Variants in OSBPL5 observed in about 807,000 individuals in gnomAD.
OSBPL5 encodes oxysterol-binding protein-related protein 5.
In OSBPL5, 71 loss-of-function variants were observed where a neutral mutation model predicts 111.2. That is an observed-to-expected ratio of 0.64 (90% CI 0.53 to 0.78). The LOEUF (loss-of-function observed/expected upper bound fraction) is 0.78. Among genes scored for constraint, OSBPL5 ranks in the 30% least tolerant of loss-of-function variants. OSBPL5 has a pLI of 0.00. For missense variants in OSBPL5, 1,210 were observed against 1,189.3 expected, an observed-to-expected ratio of 1.02 and a Z score of -0.26; for synonymous variants, 549 against 513.9, an observed-to-expected ratio of 1.07 and a Z score of -0.93.
chr11:3,164,290 T>TGAGGGAGGGGCTGGGCTCAGCCCAGGGAC (rs1239194535), intron 1 of OSBPL5: 18 of 152,244 alleles, frequency 1.2e-4, no homozygotes, highest in Non-Finnish European at 2.1e-4. Flanking sequence ...AGCCCAAGGA[T>TGAGGGAGGGGCTGGGCTCAGCCCAGGGAC]GAGGGAGGGG....
Position 3,094,208 on chromosome 11 carries a change from C to T in OSBPL5, c.1719+29G>A, listed in dbSNP as rs74048797. 5,914 of 1,603,626 alleles carry T rather than the reference C, an allele frequency of 3.7e-3. 190 individuals carry two copies. The African/African-American group carries it at 0.067, about 18-fold the overall frequency. ...CAAGGCTTCGTTCCTTCCCTGGCCTCGTCTCCCCCAGGCTGCAGCCAGCGC... is the reference window on the plus strand; with the variant it reads ...CAAGGCTTCGTTCCTTCCCTGGCCTTGTCTCCCCCAGGCTGCAGCCAGCGC... On this transcript the variant is annotated intron_variant, in intron 15 of 21. Coordinates refer to ENST00000263650, the MANE Select transcript of OSBPL5 (RefSeq NM_020896.4).
chr11:3,144,574 A>G (rs4400787), intron 1 of OSBPL5, among the ~76,000 whole-genome samples: 126,882 of 152,264 alleles, frequency 0.83, 53,391 homozygotes, highest in African/African-American at 0.92. Context: ...ACACTGAGAC[A>G]GCAGACACCG....
chr11:3,093,829 A>T lies in OSBPL5; in HGVS notation c.1726T>A (p.Phe576Ile). The T allele has an allele frequency of 6.2e-7, 1 of 1,611,624 alleles. No individual in the cohort carries two copies. Among genetic ancestry groups the T allele is most frequent in the Non-Finnish European group, 8.5e-7 (1 of 1,179,790 alleles). ...TGGTTGATGCTGGTGCTACCCCCGA[A>T]GAAGGGCTGCGGGGCCACACCCAGA... The part of the protein sequence containing the change: ...AQLEFKLKPF[F>I]GGSTSINQIS... Residue 576 changes from phenylalanine to isoleucine, a missense_variant, in exon 16 of 22, where the codon TTC becomes ATC. By Grantham distance (21) the Phe-to-Ile change is conservative. Transcript: ENST00000263650.
rs373087756 is a variant in OSBPL5, at chr11:3,093,740, C to T, written c.1809+6G>A. 6.1e-5 allele frequency: 99 copies of T among 1,612,998 alleles called. No homozygotes were observed. The Middle Eastern group carries it at 6.6e-4, about 11-fold the overall frequency. On this transcript the variant is annotated splice_donor_region_variant and intron_variant, in intron 16 of 21. Coordinates refer to ENST00000263650, the MANE Select transcript of OSBPL5 (RefSeq NM_020896.4). ...GCCGTGCCTGCCCTGAGGGACGGCC[C>T]CTTACCCAGTGGCCACTGAGGCTCG...
chr11:3,115,131 A>G (rs964400708), intron 7 of OSBPL5, among the ~76,000 whole-genome samples: 6 of 152,042 alleles, frequency 3.9e-5, no homozygotes, highest in African/African-American at 1.4e-4. Flanking sequence ...GATGCTAACA[A>G]TGTTTTCTTA....
chr11:3,122,043 C>T lies in OSBPL5; in HGVS notation c.356G>A (p.Ser119Asn), dbSNP rs1189217695. 1.3e-6 allele frequency: 2 copies of T among 1,583,254 alleles called. No individual in the cohort carries two copies. Among genetic ancestry groups the T allele is most frequent in the South Asian group, 1.1e-5 (1 of 87,888 alleles). The change falls in exon 5 of 22, where the codon AGC becomes AAC. Residue 119 changes from serine to asparagine, a missense_variant. Transcript: ENST00000263650. ...GACCACGCTGGGGTCTGTCAGAGCGCTGAGCAGCTGCCGTGTGGCGCGCTT... is the reference window on the plus strand; with the variant it reads ...GACCACGCTGGGGTCTGTCAGAGCGTTGAGCAGCTGCCGTGTGGCGCGCTT... ...EKKRATRQLL[S>N]ALTDPSVVIM...
chr11:3,160,149 G>C (rs1032805430), intron 1 of OSBPL5, among the ~76,000 whole-genome samples: 1 of 151,938 alleles, frequency 6.6e-6, no homozygotes, highest in Admixed American at 6.5e-5. Flanking sequence ...TAAGGCAGCA[G>C]GGGGTGGGGT....
chr11:3,090,562 G>C lies in OSBPL5; in HGVS notation c.2394C>G (p.Val798=). 6.2e-7 allele frequency: 1 copy of C among 1,612,576 alleles called. No homozygotes were observed. The highest frequency in any genetic ancestry group is 8.5e-7 in the Non-Finnish European group (1 of 1,179,630). Residue 798 remains valine, a synonymous_variant, in exon 20 of 22, where the codon GTC becomes GTG. Transcript: ENST00000263650. ...LSDEEQDGDF[V]PGGESPCPRC... ...GCTGGGCCCAAGGGGGCTCACCAGG[G>C]ACAAAGTCACCATCCTGCTCCTCGT...
chr11:3,121,147 TC>T lies in OSBPL5; in HGVS notation c.403-524del, dbSNP rs1474119608. ...ATCTTGGCTCGCTGCAAACTCTGCC[TC>T]CCAGGTTCAAGCGATTCTCCTGCCT... On this transcript the variant is annotated intron_variant, in intron 5 of 21. Transcript: ENST00000263650. This position sits in a 1 kb window ranked among gnomAD's most constrained non-coding sequence, Gnocchi z 4.3. 6.7e-6 allele frequency among the ~76,000 whole-genome samples: 1 copy of T among 148,658 alleles called. No homozygotes were observed. Among genetic ancestry groups the T allele is most frequent in the African/African-American group, 2.5e-5 (1 of 40,162 alleles).
At chr11:3,132,669 C>G (rs1845845032) in intron 1 of OSBPL5, among the ~76,000 whole-genome samples, 1 of 152,186 alleles carries the variant, frequency 6.6e-6, no homozygotes, top group Admixed American at 6.5e-5. Flanking sequence ...TGGCCCGGTC[C>G]TCCTCAAATT....
At chr11:3,135,739 C>T (rs562658508) in intron 1 of OSBPL5, among the ~76,000 whole-genome samples, 13 of 152,308 alleles carry the variant, frequency 8.5e-5, no homozygotes, top group South Asian at 2.1e-4. Flanking sequence ...GCCTTGCCTG[C>T]GGCAGGGTCC....
intron 1 of OSBPL5, among the ~76,000 whole-genome samples, chr11:3,157,719 C>T (rs1422506308): frequency 6.6e-6 from 1 of 152,252 alleles, no homozygotes; most frequent in Non-Finnish European, 1.5e-5. Flanking sequence ...TCGTTCTCCT[C>T]TGCTCACAAC....
intron 1 of OSBPL5, among the ~76,000 whole-genome samples, chr11:3,136,052 A>T (rs536698539): frequency 1.7e-4 from 26 of 152,346 alleles, no homozygotes; most frequent in East Asian, 1.5e-3. Context: ...AGCCCAGAGC[A>T]GATGGGGAGG....
Position 3,102,191 on chromosome 11 carries a change from C to T in OSBPL5, c.1417G>A (p.Ala473Thr), listed in dbSNP as rs1857484102. The T allele has an allele frequency of 6.2e-7, 1 of 1,602,416 alleles. No individual in the cohort carries two copies. Among genetic ancestry groups the T allele is most frequent in the Non-Finnish European group, 8.5e-7 (1 of 1,175,096 alleles). Reference protein sequence around the residue: ...PQTDSRTFYIAEQVSHHPPVS... With the variant: ...PQTDSRTFYITEQVSHHPPVS... ...AGCAGAGGTGCTCTTGCCTGCTCTG[C>T]TATGTAGAATGTGCGGCTGTCAGTC... Residue 473 changes from alanine (A) to threonine (T), a missense_variant, in exon 12 of 22, where the codon GCA becomes ACA. Physicochemically the swap from Ala to Thr is moderately conservative, Grantham distance 58. Transcript: ENST00000263650.
intron 13 of OSBPL5, among the ~76,000 whole-genome samples, chr11:3,101,337 C>T (rs909987593): frequency 7.9e-5 from 12 of 152,188 alleles, no homozygotes; most frequent in African/African-American, 2.9e-4. Flanking sequence ...TGCTCAGCCC[C>T]AGTCCGCACC....
intron 1 of OSBPL5, among the ~76,000 whole-genome samples, chr11:3,155,692 C>A (rs973780617): frequency 6.6e-6 from 1 of 152,030 alleles, no homozygotes; most frequent in African/African-American, 2.4e-5. Flanking sequence ...CTTTGCCACT[C>A]ATGTCTGAAG....
At chr11:3,151,624 C>T (rs1419146542) in intron 1 of OSBPL5, among the ~76,000 whole-genome samples, 3 of 152,314 alleles carry the variant, frequency 2.0e-5, no homozygotes, top group South Asian at 2.1e-4. Context: ...ATTTCCCCCA[C>T]GGCACAAAAA....
chr11:3,164,274 C>T (rs909936772), intron 1 of OSBPL5: 1 of 152,362 alleles, frequency 6.6e-6, no homozygotes, highest in Non-Finnish European at 1.5e-5. Context: ...CGGGGCAGAC[C>T]CGCTCAGCCC....
intron 11 of OSBPL5, 98 bp from the exon 12 acceptor site, chr11:3,102,379 C>A: frequency 9.1e-7 from 1 of 1,103,836 alleles, no homozygotes. Context: ...CGTGGGTGGG[C>A]TACCCGCTGC....
Sources: allele counts gnomAD v4.1 joint callset (sites outside exome capture counted in the v4.1 genomes callset), GRCh38; gene constraint gnomAD v4.1.1; non-coding constraint Gnocchi (gnomAD v3.1); transcripts MANE v1.5; gene names NCBI Gene and HGNC (gene_info 2026-07-23, HGNC 2026-07-21).